JADE3: variants seen among roughly 807,000 people sequenced by gnomAD.
The protein encoded by JADE3 is jade family PHD finger 3, also known as protein Jade-3.
In JADE3, 2 loss-of-function variants were observed where a neutral mutation model predicts 50.1. The ratio of observed to expected loss-of-function variants is 0.04; its 90% confidence interval spans 0.02 to 0.13. The LOEUF is 0.13. Among genes scored for constraint, JADE3 ranks in the 10% least tolerant of loss-of-function variants. The pLI, the probability that JADE3 is intolerant of heterozygous loss-of-function variation, is 1.00. For missense variants in JADE3, 475 were observed against 634.4 expected (o/e 0.75, Z 2.70); for synonymous variants, 218 against 232.9 (o/e 0.94, Z 0.58).
At chrX:46,956,627 A>G (rs1556346385) in intron 1 of JADE3, among the ~76,000 whole-genome samples, 1 of 110,478 alleles carries the variant, frequency 9.1e-6, no homozygotes, top group Non-Finnish European at 1.9e-5. Context: ...CCTGGGCTCA[A>G]GCGATCCTCC....
chrX:46,974,312 G>A (rs1427864662), intron 1 of JADE3, among the ~76,000 whole-genome samples: 1 of 110,602 alleles, frequency 9.0e-6, no homozygotes, highest in Admixed American at 9.6e-5. Context: ...GGCTGAGACA[G>A]GAGAATTGCT....
At chrX:46,991,962 G>A (rs987270688) in intron 3 of JADE3, among the ~76,000 whole-genome samples, 1 of 110,837 alleles carries the variant, frequency 9.0e-6, no homozygotes, top group Non-Finnish European at 1.9e-5. Context: ...GGGTGGAAGT[G>A]GTGGTAGGGA....
chrX:47,001,538 T>C (rs1332133767), intron 4 of JADE3, among the ~76,000 whole-genome samples: 1 of 111,926 alleles, frequency 8.9e-6, no homozygotes, highest in East Asian at 2.8e-4. Context: ...TTGGAGTACC[T>C]AAACTTTGTT....
rs782103056 is a variant in JADE3, at chrX:47,001,601, A to G, written c.284+3324A>G. Reference sequence around the variant, plus strand: ...CTGCTTATCACAGCAACCCTTAACTATCATCATTTTGCATGGGTCAAACTA... The same window carrying G: ...CTGCTTATCACAGCAACCCTTAACTGTCATCATTTTGCATGGGTCAAACTA... On this transcript the variant is annotated intron_variant, in intron 4 of 10. Transcript: ENST00000614628. Among the ~76,000 whole-genome samples the G allele has an allele frequency of 8.1e-5, 9 of 111,743 alleles. No homozygotes were observed. In the East Asian group the frequency reaches 2.5e-3, roughly 31 times the overall value.
chrX:46,962,118 A>G, intron 1 of JADE3, among the ~76,000 whole-genome samples: 1 of 111,195 alleles, frequency 9.0e-6, no homozygotes, highest in Non-Finnish European at 1.9e-5. Flanking sequence ...GCCTCCTCAC[A>G]GGGTCTTGTT....
At chrX:47,049,046 C>T (rs1421668870) in intron 8 of JADE3, among the ~76,000 whole-genome samples, 4 of 111,561 alleles carry the variant, frequency 3.6e-5, no homozygotes, top group Non-Finnish European at 7.5e-5. Flanking sequence ...AATAAAACCT[C>T]TCTATCACCT....
At position 47,035,274 on chromosome X, in the gene JADE3, G is replaced by C. The variant is rs1929110029; in HGVS notation, c.855+1486G>C. On this transcript the variant is annotated intron_variant, in intron 7 of 10. Transcript: ENST00000614628. ...ACTCATTCTCCTTTAAGATTTTCTTGTTTTTAATCTTGTTAATATTGGTTC... is the reference window on the plus strand; with the variant it reads ...ACTCATTCTCCTTTAAGATTTTCTTCTTTTTAATCTTGTTAATATTGGTTC... Among the ~76,000 whole-genome samples the C allele has an allele frequency of 6.3e-5, 7 of 111,250 alleles. No individual in the cohort carries two copies. In the Admixed American group the frequency reaches 6.7e-4, roughly 11 times the overall value.
intron 1 of JADE3, among the ~76,000 whole-genome samples, chrX:46,913,120 C>T (rs1412108039): frequency 8.9e-6 from 1 of 112,373 alleles, no homozygotes; most frequent in Non-Finnish European, 1.9e-5. Context: ...CTGCCCTTTG[C>T]CTGGCTTCGG....
At position 47,016,597 on chromosome X, in the gene JADE3, G is replaced by A. The variant is rs1466039071; in HGVS notation, c.285-8127G>A. Among the ~76,000 whole-genome samples, 11 of 111,504 alleles carry A rather than the reference G, an allele frequency of 9.9e-5. No homozygotes were observed. In the Admixed American group the frequency reaches 1.0e-3, roughly 11 times the overall value. On this transcript the variant is annotated intron_variant, in intron 4 of 10. Transcript: ENST00000614628. Reference sequence around the variant, plus strand: ...CAGAGGGCTTCCAAATTGAAGGAAAGGAAAATAGGCCCCATTTCTCAATAA... The same window carrying A: ...CAGAGGGCTTCCAAATTGAAGGAAAAGAAAATAGGCCCCATTTCTCAATAA...
intron 1 of JADE3, among the ~76,000 whole-genome samples, chrX:46,953,902 C>T (rs1556345843): frequency 9.0e-6 from 1 of 111,226 alleles, no homozygotes; most frequent in Non-Finnish European, 1.9e-5. Flanking sequence ...AACTTCATTC[C>T]TCAACCCCTT....
At chrX:46,928,713 A>G (rs1184588427) in intron 1 of JADE3, among the ~76,000 whole-genome samples, 3 of 111,844 alleles carry the variant, frequency 2.7e-5, no homozygotes, top group Non-Finnish European at 5.6e-5. Flanking sequence ...CTTCCTGAGT[A>G]GCTAGGACTA....
intron 3 of JADE3, 76 bp downstream of exon 3, chrX:46,985,868 A>G (rs1927850674): frequency 2.9e-6 from 2 of 692,583 alleles, no homozygotes; most frequent in Non-Finnish European, 4.6e-6. Context: ...TGTTGAAATT[A>G]TATCCCAATG....
chrX:46,957,256 G>T (rs1399375146), intron 1 of JADE3, among the ~76,000 whole-genome samples: 1 of 110,603 alleles, frequency 9.0e-6, no homozygotes, highest in South Asian at 3.8e-4. Context: ...TAGATAGATA[G>T]ATATAAACGA....
At chrX:46,917,833 T>C (rs782162982) in intron 1 of JADE3, among the ~76,000 whole-genome samples, 9 of 5,516 alleles carry the variant, frequency 1.6e-3, no homozygotes, top group African/African-American at 3.4e-3. Flanking sequence ...CTCTCTCTCA[T>C]CCTCTCTCTC....
chrX:46,977,633 A>C (rs782124436), intron 1 of JADE3, among the ~76,000 whole-genome samples: 1 of 112,385 alleles, frequency 8.9e-6, no homozygotes, highest in Non-Finnish European at 1.9e-5. Context: ...CTTAATAAGG[A>C]TTCACATGTT....
At chrX:47,048,487 A>T (rs1489102793) in intron 8 of JADE3, among the ~76,000 whole-genome samples, 2 of 112,427 alleles carry the variant, frequency 1.8e-5, no homozygotes, top group Non-Finnish European at 3.8e-5. Context: ...TATCCATACA[A>T]TTATTTTTTG....
intron 1 of JADE3, among the ~76,000 whole-genome samples, chrX:46,957,839 C>T (rs1927169931): frequency 8.9e-6 from 1 of 111,890 alleles, no homozygotes; most frequent in Non-Finnish European, 1.9e-5. Flanking sequence ...TCTGTCTAGC[C>T]GTTCTATTGA....
At chrX:46,998,015 T>C (rs1162185783) in intron 3 of JADE3, 105 bp from the exon 4 acceptor site, 4 of 623,439 alleles carry the variant, frequency 6.4e-6, no homozygotes, top group Middle Eastern at 3.6e-4. Flanking sequence ...ATGTTTCTCT[T>C]GTTGGAAGCA....
At chrX:46,933,199 T>C (rs1400382850) in intron 1 of JADE3, among the ~76,000 whole-genome samples, 1 of 111,663 alleles carries the variant, frequency 9.0e-6, no homozygotes, top group Non-Finnish European at 1.9e-5. Context: ...CCATGTTCCC[T>C]CTCCCCTTTG....
Sources: allele counts gnomAD v4.1 joint callset (sites outside exome capture counted in the v4.1 genomes callset), GRCh38; gene constraint gnomAD v4.1.1; transcripts MANE v1.5; gene names NCBI Gene and HGNC (gene_info 2026-07-23, HGNC 2026-07-21).